SRGAP3: variants seen among roughly 807,000 people sequenced by gnomAD.
SRGAP3 encodes SLIT-ROBO Rho GTPase-activating protein 3.
A neutral mutation model predicts 121.1 loss-of-function variants in SRGAP3; 39 were observed. The observed-to-expected ratio is 0.32, with a 90% CI of 0.25 to 0.42. The LOEUF (loss-of-function observed/expected upper bound fraction) is 0.42. Among genes scored for constraint, SRGAP3 ranks in the 10% least tolerant of loss-of-function variants. The pLI is 1.00. For synonymous variants in SRGAP3, 601 were observed against 570.0 expected (o/e 1.05, Z -0.77); for missense variants, 1,213 against 1,470.6 (o/e 0.82, Z 2.86).
chr3:9,212,483 A>T (rs1419819593), intron 1 of SRGAP3, among the ~76,000 whole-genome samples: 1 of 143,390 alleles, frequency 7.0e-6, no homozygotes, highest in Admixed American at 6.7e-5. Context: ...GCACTTTGGG[A>T]GGCTGAGGCA....
chr3:9,032,815 G>C (rs1272490804), intron 11 of SRGAP3, 63 bp from the exon 12 acceptor site: 1 of 1,487,330 alleles, frequency 6.7e-7, no homozygotes, highest in Non-Finnish European at 9.4e-7. Context: ...AACTGGGAAA[G>C]ATGCTCTTAA....
At chr3:9,091,222 C>CAGGAGAGAG (rs1329761076) in intron 3 of SRGAP3, among the ~76,000 whole-genome samples, 1 of 152,070 alleles carries the variant, frequency 6.6e-6, no homozygotes, top group Non-Finnish European at 1.5e-5. Flanking sequence ...GGCCTCTCTT[C>CAGGAGAGAG]TCCTGTCTCA....
chr3:9,118,116 G>A (rs986495951), intron 2 of SRGAP3, among the ~76,000 whole-genome samples: 1 of 151,886 alleles, frequency 6.6e-6, no homozygotes, highest in East Asian at 1.9e-4. Context: ...TGGGCGACAG[G>A]GTGAGACTCT....
At chr3:9,326,789 G>A (rs943840767) in intron 2 of SRGAP3, among the ~76,000 whole-genome samples, 1 of 151,708 alleles carries the variant, frequency 6.6e-6, no homozygotes, top group African/African-American at 2.4e-5. Context: ...AATACCAAAG[G>A]TTTAAAACAT....
chr3:8,984,516 A>G lies in SRGAP3; in HGVS notation c.*1003T>C, dbSNP rs1175631249. On this transcript the variant is annotated 3_prime_UTR_variant, in exon 22 of 22. Transcript: ENST00000383836. ...ACAGATTTATTCCTACAGCATTTCT[A>G]GGTTTTGGAGTATTCCACACCACTG... The G allele has an allele frequency of 1.7e-5, 4 of 232,446 alleles. No individual in the cohort carries two copies. The highest frequency in any genetic ancestry group is 3.4e-5 in the Non-Finnish European group (4 of 117,572). The allele number at this position is 232,446 out of a possible 1,614,324, so 14.4% of individuals were successfully genotyped here. A position where few individuals can be genotyped will look rare whatever the true frequency, so the allele number is the denominator to read the frequency against.
chr3:9,184,904 A>G (rs1341598384), intron 1 of SRGAP3, among the ~76,000 whole-genome samples: 2 of 152,162 alleles, frequency 1.3e-5, no homozygotes, highest in Non-Finnish European at 1.5e-5. Flanking sequence ...GGCTTCCACA[A>G]TGTAAACCTC....
intron 3 of SRGAP3, chr3:9,081,337 G>A (rs966197295): frequency 4.4e-6 from 2 of 453,906 alleles, no homozygotes; most frequent in Admixed American, 2.4e-5. Flanking sequence ...GTACAGGTTG[G>A]CAGAAAGGCC....
chr3:9,060,100 G>T, intron 6 of SRGAP3, 131 bp downstream of exon 6: 1 of 1,430,558 alleles, frequency 7.0e-7, no homozygotes, highest in Non-Finnish European at 9.7e-7. Flanking sequence ...TTCCCCTCCA[G>T]CAGGGCTCAA....
At chr3:9,170,473 A>T (rs952580372) in intron 1 of SRGAP3, among the ~76,000 whole-genome samples, 3 of 152,016 alleles carry the variant, frequency 2.0e-5, no homozygotes, top group Admixed American at 6.5e-5. Flanking sequence ...TGTGACTCAC[A>T]CTCTCACACA....
In SRGAP3 at chr3:8,990,564, C is replaced by T. The variant is rs1941976799; in HGVS notation, c.2834G>A (p.Arg945Lys). 1 of 1,584,266 alleles carries T rather than the reference C, an allele frequency of 6.3e-7. No individual in the cohort carries two copies. The change falls in exon 21 of 22, where the codon AGG (arginine) becomes AAG (lysine). Residue 945 changes from arginine to lysine, a missense_variant. Arg to Lys is a conservative substitution (Grantham distance 26, BLOSUM62 2). Around this residue, in one of 2 missense-constraint regions of SRGAP3, gnomAD observed 420 missense variants for 437.7 expected, o/e 0.96. Coordinates refer to ENST00000383836, the MANE Select transcript of SRGAP3 (RefSeq NM_014850.4). ...CTTGTGGTCCCCTAGGCTGCTGTGCCTGGTGGAACCGCAGGTCGACCTCAT... is the reference window on the plus strand; with the variant it reads ...CTTGTGGTCCCCTAGGCTGCTGTGCTTGGTGGAACCGCAGGTCGACCTCAT... ...HSMRSTCGST[R>K]HSSLGDHKSL...
At chr3:9,150,514 A>C (rs977734992) in intron 1 of SRGAP3, among the ~76,000 whole-genome samples, 2 of 152,224 alleles carry the variant, frequency 1.3e-5, no homozygotes, top group African/African-American at 4.8e-5. Flanking sequence ...GAACACTTTC[A>C]GTGTACACTC....
At chr3:9,104,302 G>A (rs183696244) in intron 3 of SRGAP3, among the ~76,000 whole-genome samples, 62 of 152,264 alleles carry the variant, frequency 4.1e-4, no homozygotes, top group African/African-American at 1.3e-3. Flanking sequence ...GTTTGTACAC[G>A]AGAAATTCCT....
In SRGAP3 at chr3:9,132,236, T is replaced by C. The variant is rs542169319; in HGVS notation, c.68-7319A>G. ...GCATTCCATCGTGCATTTATTGCAA[T>C]TGAAGAGCCAATACTGACACACCAA... On this transcript the variant is annotated intron_variant, in intron 1 of 21. Coordinates refer to ENST00000383836, the MANE Select transcript of SRGAP3 (RefSeq NM_014850.4). Among the ~76,000 whole-genome samples the C allele has an allele frequency of 1.7e-3, 254 of 152,326 alleles. 1 individual carries two copies. Among genetic ancestry groups the C allele is most frequent in the African/African-American group, 5.8e-3 (242 of 41,552 alleles).
At chr3:9,339,578 G>C (rs1482818280) in intron 1 of SRGAP3, among the ~76,000 whole-genome samples, 2 of 152,202 alleles carry the variant, frequency 1.3e-5, no homozygotes, top group South Asian at 4.1e-4. Context: ...CTTCATTAAA[G>C]GGTAGAGACC....
intron 3 of SRGAP3, among the ~76,000 whole-genome samples, chr3:9,303,359 A>G (rs1436882682): frequency 1.3e-5 from 2 of 150,648 alleles, no homozygotes; most frequent in South Asian, 2.1e-4. Context: ...CGGGAGGTGG[A>G]GGTTGCAGCA....
chr3:9,262,933 A>G (rs1559249326), intron 3 of SRGAP3, among the ~76,000 whole-genome samples: 1 of 152,214 alleles, frequency 6.6e-6, no homozygotes, highest in African/African-American at 2.4e-5. Flanking sequence ...TCTCTGCACC[A>G]AATAGCACTT....
intron 1 of SRGAP3, chr3:9,348,569 C>G: frequency 1.2e-6 from 1 of 804,934 alleles, no homozygotes; most frequent in Non-Finnish European, 2.2e-6. Flanking sequence ...GTGTGGCAGG[C>G]AGGTGCTGTG....
At chr3:9,188,794 A>G (rs1161060531) in intron 1 of SRGAP3, among the ~76,000 whole-genome samples, 1 of 152,212 alleles carries the variant, frequency 6.6e-6, no homozygotes, top group African/African-American at 2.4e-5. Context: ...GTGAATAATT[A>G]GTGCATGATA....
At position 9,080,045 on chromosome 3, in the gene SRGAP3, C is replaced by A. The variant is rs1241036600; in HGVS notation, c.466G>T (p.Val156Leu). Residue 156 changes from valine (V) to leucine (L), a missense_variant, in exon 4 of 22, where the codon GTG (valine) becomes TTG (leucine). Val to Leu is a conservative substitution (Grantham distance 32). This residue lies in a region of SRGAP3 where 793 missense variants were observed against 1,032.9 expected (regional missense o/e 0.77). Coordinates refer to ENST00000383836, the MANE Select transcript of SRGAP3 (RefSeq NM_014850.4). ...CTTACTGTGTAGAGCTCATTGGTCA[C>A]CTTCAGGAGCTCCTCGTGCATCTGC... ...GLQMHEELLK[V>L]TNELYTVMKT... is the part of the protein sequence containing the mutation. The A allele has an allele frequency of 6.2e-7, 1 of 1,614,166 alleles. No individual in the cohort carries two copies. The highest frequency in any genetic ancestry group is 1.1e-5 in the South Asian group (1 of 91,072).
Sources: allele counts gnomAD v4.1 joint callset (sites outside exome capture counted in the v4.1 genomes callset), GRCh38; gene constraint gnomAD v4.1.1; regional missense constraint gnomAD v4.1.1; transcripts MANE v1.5; gene names NCBI Gene and HGNC (gene_info 2026-07-23, HGNC 2026-07-21).